Variants in DLC1 observed in about 807,000 individuals in gnomAD.
DLC1 encodes DLC1 Rho GTPase activating protein, also known as rho GTPase-activating protein 7.
Under a neutral mutation model 140.3 loss-of-function variants are expected in DLC1, and 54 were observed. That is an observed-to-expected ratio of 0.38 (90% CI 0.31 to 0.48). DLC1 has a LOEUF of 0.48. DLC1 is among the 20% of genes least tolerant of loss of function. DLC1 has a pLI of 0.96. For missense variants in DLC1, 2,536 were observed against 1,907.0 expected, an observed-to-expected ratio of 1.33 and a Z score of -6.14; for synonymous variants, 986 against 728.1, an observed-to-expected ratio of 1.35 and a Z score of -5.70.
At chr8:13,209,993 A>G (rs1827861532) in intron 5 of DLC1, among the ~76,000 whole-genome samples, 2 of 152,176 alleles carry the variant, frequency 1.3e-5, no homozygotes, top group African/African-American at 4.8e-5. Flanking sequence ...GCAATAAGCT[A>G]AAATCAGTTA....
chr8:13,489,646 G>C (rs533971105), intron 2 of DLC1, among the ~76,000 whole-genome samples: 13 of 152,214 alleles, frequency 8.5e-5, no homozygotes, highest in African/African-American at 3.1e-4. Flanking sequence ...ATACGTGTGA[G>C]GGAAGCAGGA....
chr8:13,493,356 C>T (rs1801351580), intron 2 of DLC1, among the ~76,000 whole-genome samples: 1 of 152,070 alleles, frequency 6.6e-6, no homozygotes, highest in African/African-American at 2.4e-5. Flanking sequence ...AGTCTGGAGG[C>T]TTGGCTTAAC....
rs139415835 is a variant in DLC1 at position 13,100,637 on chromosome 8, G to A, written c.1700C>T (p.Pro567Leu). 394 of 1,613,958 alleles carry A rather than the reference G, an allele frequency of 2.4e-4. No homozygotes were observed. The highest frequency in any genetic ancestry group is 3.1e-4 in the Non-Finnish European group (369 of 1,179,956). ...SPKQDLVPGSPDDSHPKDGPS... is the reference protein window; with the variant it reads ...SPKQDLVPGSLDDSHPKDGPS... ...GCCGTCCTTCGGGTGGGAGTCGTCT[G>A]GGGACCCAGGGACCAGGTCTTGTTT... Residue 567 changes from proline to leucine, a missense_variant, in exon 9 of 18, where the codon CCA (proline) becomes CTA (leucine). Coordinates refer to ENST00000276297, the MANE Select transcript of DLC1 (RefSeq NM_182643.3).
intron 2 of DLC1, among the ~76,000 whole-genome samples, chr8:13,452,687 TA>T (rs1238168213): frequency 1.3e-5 from 2 of 152,178 alleles, no homozygotes; most frequent in Non-Finnish European, 2.9e-5. Flanking sequence ...GCAAAAATAT[TA>T]ACCAAAACTT....
chr8:13,376,958 A>T (rs769989333), intron 4 of DLC1, among the ~76,000 whole-genome samples: 2 of 152,226 alleles, frequency 1.3e-5, no homozygotes, highest in African/African-American at 2.4e-5. Flanking sequence ...AAAGAGGAGA[A>T]GGAAAAAAAA....
At chr8:13,187,456 G>C (rs1289692780) in intron 5 of DLC1, among the ~76,000 whole-genome samples, 1 of 152,074 alleles carries the variant, frequency 6.6e-6, no homozygotes, top group African/African-American at 2.4e-5. Context: ...ATTTTAGTAT[G>C]GTATCTTGAA....
chr8:13,431,266 G>A (rs1383357955), intron 2 of DLC1, among the ~76,000 whole-genome samples: 2 of 151,824 alleles, frequency 1.3e-5, no homozygotes, highest in Admixed American at 6.6e-5. Flanking sequence ...GGCGGATCAC[G>A]AGGTCAGGAG....
intron 2 of DLC1, among the ~76,000 whole-genome samples, chr8:13,482,384 C>T (rs1436106567): frequency 6.7e-6 from 1 of 150,110 alleles, no homozygotes; most frequent in Non-Finnish European, 1.5e-5. Flanking sequence ...ATTTCTTTTG[C>T]CATGTGCATG....
At chr8:13,401,201 A>C (rs777775758) in intron 3 of DLC1, among the ~76,000 whole-genome samples, 18 of 152,356 alleles carry the variant, frequency 1.2e-4, no homozygotes, top group Middle Eastern at 3.4e-3. Context: ...TGATCACTAC[A>C]AACCATAATT....
chr8:13,202,354 T>C (rs1407786644), intron 5 of DLC1, among the ~76,000 whole-genome samples: 1 of 152,230 alleles, frequency 6.6e-6, no homozygotes, highest in African/African-American at 2.4e-5. Flanking sequence ...CATACGTACA[T>C]TGTATAATGA....
chr8:13,575,252 C>T (rs1804798037), intron 1 of DLC1, among the ~76,000 whole-genome samples: 1 of 152,012 alleles, frequency 6.6e-6, no homozygotes, highest in African/African-American at 2.4e-5. Flanking sequence ...TGTAGTCATC[C>T]CACTCAAAAT....
At chr8:13,110,928 G>A (rs1480300422) in intron 6 of DLC1, 105 bp from the exon 7 acceptor site, 2 of 982,564 alleles carry the variant, frequency 2.0e-6, no homozygotes, top group East Asian at 2.4e-5. Context: ...AATATACTAA[G>A]CACCTACTGT....
At chr8:13,279,919 T>C (rs1264091939) in intron 5 of DLC1, among the ~76,000 whole-genome samples, 2 of 152,076 alleles carry the variant, frequency 1.3e-5, no homozygotes, top group Non-Finnish European at 2.9e-5. Flanking sequence ...TTGTCTCAGC[T>C]TAGCAGGTAG....
intron 1 of DLC1, among the ~76,000 whole-genome samples, chr8:13,576,593 G>C (rs1804845816): frequency 6.6e-6 from 1 of 152,036 alleles, no homozygotes; most frequent in Non-Finnish European, 1.5e-5. Flanking sequence ...AGATAGAGAA[G>C]TCTTCAGCTT....
At chr8:13,440,189 G>A (rs576824694) in intron 2 of DLC1, among the ~76,000 whole-genome samples, 114 of 152,254 alleles carry the variant, frequency 7.5e-4, no homozygotes, top group African/African-American at 2.6e-3. Flanking sequence ...GATCATAGAA[G>A]CCTGTTTTAT....
chr8:13,490,016 T>A (rs958365092), intron 2 of DLC1, among the ~76,000 whole-genome samples: 3 of 147,904 alleles, frequency 2.0e-5, no homozygotes, highest in African/African-American at 7.6e-5. Context: ...TTCTCCATTT[T>A]CCAGGGGCAT....
intron 5 of DLC1, among the ~76,000 whole-genome samples, chr8:13,161,404 A>T (rs1824687605): frequency 1.3e-5 from 2 of 152,082 alleles, no homozygotes; most frequent in Non-Finnish European, 2.9e-5. Context: ...TGGCATGATC[A>T]TAGCTCATTG....
chr8:13,443,343 TAAAAAA>T (rs58765529), intron 2 of DLC1, among the ~76,000 whole-genome samples: 3 of 123,228 alleles, frequency 2.4e-5, no homozygotes, highest in African/African-American at 9.1e-5. Flanking sequence ...CCCTAAAACT[TAAAAAA>T]AAAAAAAAAA....
chr8:13,496,981 T>C (rs1004706978), intron 2 of DLC1, among the ~76,000 whole-genome samples: 1 of 151,792 alleles, frequency 6.6e-6, no homozygotes, highest in Non-Finnish European at 1.5e-5. Flanking sequence ...TTTGTATTTT[T>C]AGTAGAGACA....
Sources: allele counts gnomAD v4.1 joint callset (sites outside exome capture counted in the v4.1 genomes callset), GRCh38; gene constraint gnomAD v4.1.1; transcripts MANE v1.5; gene names NCBI Gene and HGNC (gene_info 2026-07-23, HGNC 2026-07-21).